The following TNR variants were observed in gnomAD, a reference collection of about 807,000 sequenced individuals.
TNR encodes tenascin R.
TNR carries 45 observed loss-of-function variants against 150.4 expected under a neutral mutation model. The observed-to-expected ratio is 0.30, with a 90% confidence interval of 0.24 to 0.38. TNR has a LOEUF of 0.38. TNR is among the 10% of genes least tolerant of loss of function. The pLI, the probability that TNR is intolerant of heterozygous loss-of-function variation, is 1.00. For missense variants in TNR, 1,544 were observed against 1,759.1 expected, an observed-to-expected ratio of 0.88 and a Z score of 2.19; for synonymous variants, 687 against 678.4, an observed-to-expected ratio of 1.01 and a Z score of -0.20.
At chr1:175,647,642 T>G (rs1318920813) in intron 1 of TNR, among the ~76,000 whole-genome samples, 1 of 152,006 alleles carries the variant, frequency 6.6e-6, no homozygotes, top group Admixed American at 6.6e-5. Flanking sequence ...ATAATGAAAA[T>G]AGTCTTAACA....
intron 1 of TNR, among the ~76,000 whole-genome samples, chr1:175,533,443 C>A (rs1421798993): frequency 6.6e-6 from 1 of 152,190 alleles, no homozygotes; most frequent in African/African-American, 2.4e-5. Context: ...TCAAAGTCAG[C>A]CTTCCTCCCC....
intron 2 of TNR, among the ~76,000 whole-genome samples, chr1:175,505,402 G>C (rs1450624843): frequency 2.0e-5 from 3 of 152,244 alleles, no homozygotes; most frequent in East Asian, 3.9e-4. Flanking sequence ...GAGACCGCGC[G>C]CTAAGCATGC....
intron 4 of TNR, 85 bp downstream of exon 4, chr1:175,403,055 A>C: frequency 2.5e-6 from 3 of 1,183,570 alleles, no homozygotes; most frequent in Non-Finnish European, 3.7e-6. Context: ...TTTCTCACTC[A>C]TCTTTCTTCC....
At chr1:175,642,569 C>T (rs376149416) in intron 1 of TNR, among the ~76,000 whole-genome samples, 2 of 152,096 alleles carry the variant, frequency 1.3e-5, no homozygotes, top group Non-Finnish European at 2.9e-5. Flanking sequence ...AGCCAGGATG[C>T]GGTGCAAGGA....
Position 175,622,132 on chromosome 1 carries a change from T to G in TNR, c.-164-93763A>C, listed in dbSNP as rs189060507. Among the ~76,000 whole-genome samples, 362 of 152,382 alleles carry G rather than the reference T, an allele frequency of 2.4e-3. 1 individual carries two copies. The highest frequency in any genetic ancestry group is 8.2e-3 in the African/African-American group (340 of 41,598). On this transcript the variant is annotated intron_variant, in intron 1 of 22. Coordinates refer to ENST00000367674, the MANE Select transcript of TNR (RefSeq NM_003285.3). ...GGTATTATTGTTATACATTTCTGTA[T>G]CTTACATATTGAATGTAGAACTTTG...
intron 2 of TNR, among the ~76,000 whole-genome samples, chr1:175,520,390 G>A (rs1171843002): frequency 6.6e-6 from 1 of 152,198 alleles, no homozygotes; most frequent in Non-Finnish European, 1.5e-5. Context: ...CACTGGGGCT[G>A]ATTTCCAGGC....
At chr1:175,718,702 G>A (rs889054858) in intron 1 of TNR, among the ~76,000 whole-genome samples, 7 of 152,230 alleles carry the variant, frequency 4.6e-5, no homozygotes, top group South Asian at 2.1e-4. Context: ...CAAGAACGTC[G>A]TTAGGTGTTA....
chr1:175,627,556 G>T (rs1452537158), intron 1 of TNR, among the ~76,000 whole-genome samples: 1 of 152,146 alleles, frequency 6.6e-6, no homozygotes, highest in Non-Finnish European at 1.5e-5. Context: ...TGGTAAAAAT[G>T]GCATAATGAT....
At chr1:175,582,862 G>C (rs1352734795) in intron 1 of TNR, among the ~76,000 whole-genome samples, 2 of 152,022 alleles carry the variant, frequency 1.3e-5, no homozygotes, top group Non-Finnish European at 2.9e-5. Flanking sequence ...CCACTATCAT[G>C]GGATTGGGTT....
At chr1:175,605,183 A>T (rs1245791360) in intron 1 of TNR, among the ~76,000 whole-genome samples, 3 of 152,194 alleles carry the variant, frequency 2.0e-5, no homozygotes, top group Non-Finnish European at 4.4e-5. Context: ...AAAACCATAG[A>T]CTTTGGAGTC....
At chr1:175,728,846 A>G (rs955266312) in intron 1 of TNR, among the ~76,000 whole-genome samples, 2 of 152,230 alleles carry the variant, frequency 1.3e-5, no homozygotes, top group African/African-American at 2.4e-5. Context: ...GGAGCTTTGC[A>G]TAAGTGATAT....
At chr1:175,659,896 C>CA (rs1491228867) in intron 1 of TNR, among the ~76,000 whole-genome samples, 39 of 100,878 alleles carry the variant, frequency 3.9e-4, no homozygotes, top group African/African-American at 1.4e-3. Context: ...CTTTGGGTGT[C>CA]ATTTTTTTTT....
At chr1:175,449,981 T>G (rs1243580221) in intron 2 of TNR, among the ~76,000 whole-genome samples, 2 of 152,210 alleles carry the variant, frequency 1.3e-5, no homozygotes, top group Non-Finnish European at 2.9e-5. Flanking sequence ...CATCCTGTAG[T>G]GCAGGCTCAC....
At chr1:175,650,373 A>G (rs890616637) in intron 1 of TNR, among the ~76,000 whole-genome samples, 1 of 152,056 alleles carries the variant, frequency 6.6e-6, no homozygotes, top group Non-Finnish European at 1.5e-5. Flanking sequence ...ACAGAGCAAG[A>G]TGGTTTCAAA....
chr1:175,738,938 C>A (rs989110976), intron 1 of TNR, among the ~76,000 whole-genome samples: 7 of 152,184 alleles, frequency 4.6e-5, no homozygotes, highest in Admixed American at 1.3e-4. Context: ...TGTATCTCTG[C>A]GCTTCTGCCG....
intron 1 of TNR, among the ~76,000 whole-genome samples, chr1:175,712,919 C>A (rs1012437781): frequency 6.6e-6 from 1 of 152,116 alleles, no homozygotes; most frequent in African/African-American, 2.4e-5. Context: ...GTACAGGGAC[C>A]TATTGCAGTG....
At chr1:175,452,544 C>T (rs184174108) in intron 2 of TNR, among the ~76,000 whole-genome samples, 1 of 152,308 alleles carries the variant, frequency 6.6e-6, no homozygotes, top group East Asian at 1.9e-4. Context: ...CAAAGGCCCT[C>T]CCAGGCCATG....
intron 2 of TNR, among the ~76,000 whole-genome samples, chr1:175,524,667 G>A (rs1405079383): frequency 6.6e-6 from 1 of 152,168 alleles, no homozygotes; most frequent in Admixed American, 6.5e-5. Context: ...TTCTGAGAAG[G>A]AGAGTGAAAT....
intron 1 of TNR, among the ~76,000 whole-genome samples, chr1:175,555,103 CA>C (rs1264664222): frequency 6.6e-6 from 1 of 151,768 alleles, no homozygotes; most frequent in Non-Finnish European, 1.5e-5. Flanking sequence ...TCAAGAAAGC[CA>C]AAAAAGAGGG....
Sources: gnomAD v4.1 joint callset for allele counts (sites outside exome capture counted in the v4.1 genomes callset) on GRCh38, gnomAD v4.1.1 for gene constraint, MANE v1.5 for transcripts, NCBI Gene and HGNC (gene_info 2026-07-23, HGNC 2026-07-21) for gene names.